ZNF324B: variants seen among roughly 807,000 people sequenced by gnomAD.
The protein encoded by ZNF324B is zinc finger protein 324B.
A neutral mutation model predicts 10.6 loss-of-function variants in ZNF324B; 7 were observed. That is an observed-to-expected ratio of 0.66 (90% confidence interval 0.38 to 1.24). The LOEUF (loss-of-function observed/expected upper bound fraction) is 1.24, where lower values mean the gene tolerates loss of function less well. ZNF324B is among the 50% of genes most tolerant of loss of function. ZNF324B has a pLI of 0.02. For missense variants in ZNF324B, 640 were observed against 764.7 expected (o/e 0.84, Z 1.92); for synonymous variants, 316 against 321.0 (o/e 0.98, Z 0.17).
rs532395493 is a variant in ZNF324B at position 58,453,578 on chromosome 19, G to A, written c.-6-118G>A. 70 of 1,394,188 alleles carry A rather than the reference G, an allele frequency of 5.0e-5. 1 individual carries two copies. In the South Asian group the frequency reaches 6.7e-4, roughly 13 times the overall value. 86.4% of individuals were successfully genotyped at this position (1,394,188 alleles called of 1,614,324 possible). The stretch of plus-strand genomic sequence containing the variant: ...GGAAGTGCCACCTGAAGATAATCTC[G>A]GGGTGGAACCCAAGGAAGGAGGGAC... On this transcript the variant is annotated intron_variant, in intron 1 of 3. Coordinates refer to ENST00000336614, the MANE Select transcript of ZNF324B (RefSeq NM_207395.3).
chr19:58,450,165 G>T (rs535203412), upstream of ZNF324B, among the ~76,000 whole-genome samples: 1 of 152,042 alleles, frequency 6.6e-6, no homozygotes, highest in Admixed American at 6.6e-5. Flanking sequence ...ATTTGCTCTT[G>T]CCTGCTGCCA....
chr19:58,435,054 A>T, the ZNF324B span: 13 of 1,614,178 alleles, frequency 8.1e-6, no homozygotes, highest in Non-Finnish European at 1.1e-5. Flanking sequence ...CCTGATGCTC[A>T]GCCAGGTGCA....
chr19:58,441,952 C>T, the ZNF324B span: 85,181 of 151,848 alleles, frequency 0.56, 25,592 homozygotes, highest in African/African-American at 0.8. Context: ...ACTCCAGTGC[C>T]CACTAGGTAA....
chr19:58,434,656 G>T, the ZNF324B span: 1 of 1,614,198 alleles, frequency 6.2e-7, no homozygotes, highest in Non-Finnish European at 8.5e-7. Flanking sequence ...GCATGTAAAT[G>T]GTATCTCTTC....
the ZNF324B span, chr19:58,440,005 A>C: frequency 1.6e-6 from 1 of 617,412 alleles, no homozygotes. Flanking sequence ...TTTCGGGAAC[A>C]CCTTGGCTCA....
At chr19:58,422,494 A>G in the ZNF324B span, among the ~76,000 whole-genome samples, 1 of 152,204 alleles carries the variant, frequency 6.6e-6, no homozygotes, top group Admixed American at 6.5e-5. Flanking sequence ...ATGATCTTAT[A>G]TTTAGAAAAA....
At chr19:58,439,600 T>G in the ZNF324B span, among the ~76,000 whole-genome samples, 1 of 152,166 alleles carries the variant, frequency 6.6e-6, no homozygotes, top group East Asian at 1.9e-4. Flanking sequence ...GGATTCAGGA[T>G]GGTAAGGGTA....
At chr19:58,439,756 T>TA in the ZNF324B span, 2 of 1,535,258 alleles carry the variant, frequency 1.3e-6, no homozygotes, top group South Asian at 2.4e-5. Context: ...ACACTCCACT[T>TA]ACCTGCGCCG....
chr19:58,427,328 T>TTTCTTTCTTTCTTTCTTTCTTTCC, the ZNF324B span, among the ~76,000 whole-genome samples: 1 of 96,266 alleles, frequency 1.0e-5, no homozygotes, highest in Non-Finnish European at 1.8e-5. Flanking sequence ...TCTTTCTTTC[T>TTTCTTTCTTTCTTTCTTTCTTTCC]TTCTTTCTTT....
chr19:58,449,484 A>G (rs1252040247), upstream of ZNF324B, among the ~76,000 whole-genome samples: 1 of 152,206 alleles, frequency 6.6e-6, no homozygotes, highest in Non-Finnish European at 1.5e-5. Flanking sequence ...ACGCACCCGG[A>G]AAAGTCACAG....
the ZNF324B span, chr19:58,442,788 G>A: frequency 2.0e-5 from 3 of 152,484 alleles, no homozygotes; most frequent in East Asian, 5.8e-4. Flanking sequence ...GGCTTCAGGA[G>A]TGAAGCTGCA....
At chr19:58,435,451 TTAAA>T in the ZNF324B span, 1 of 461,962 alleles carries the variant, frequency 2.2e-6, no homozygotes, top group Non-Finnish European at 3.8e-6. Flanking sequence ...GTCAAAGGAC[TTAAA>T]TAGACATTTC....
At chr19:58,445,005 T>C in the ZNF324B span, 2 of 209,030 alleles carry the variant, frequency 9.6e-6, no homozygotes, top group African/African-American at 4.8e-5. Context: ...ATCAAAATGG[T>C]CATACCCTAA....
chr19:58,454,105 A>G (rs1405557647), intron 2 of ZNF324B, 123 bp from the exon 3 acceptor site: 3 of 733,418 alleles, frequency 4.1e-6, no homozygotes, highest in South Asian at 3.4e-5. Flanking sequence ...GCCCTGTGCT[A>G]TCTTTAGATT....
At chr19:58,446,573 C>CTCTCTTTTTTT in the ZNF324B span, among the ~76,000 whole-genome samples, 16 of 102,506 alleles carry the variant, frequency 1.6e-4, no homozygotes, top group Non-Finnish European at 2.0e-4. Flanking sequence ...ATTTCTTTCT[C>CTCTCTTTTTTT]TTTTTTTTTT....
chr19:58,453,556 A>G, intron 1 of ZNF324B, 140 bp from the exon 2 acceptor site: 2 of 1,163,832 alleles, frequency 1.7e-6, no homozygotes, highest in Non-Finnish European at 1.3e-6. Context: ...AGGTGAGGGA[A>G]GTGCCACCTG....
chr19:58,437,090 G>A, the ZNF324B span: 7 of 1,614,020 alleles, frequency 4.3e-6, no homozygotes, highest in East Asian at 1.1e-4. Flanking sequence ...TCACACTGTG[G>A]TACAGGTGCC....
the ZNF324B span, among the ~76,000 whole-genome samples, chr19:58,425,419 T>C: frequency 3.3e-5 from 5 of 150,282 alleles, no homozygotes; most frequent in East Asian, 1.0e-3. Flanking sequence ...TAGACTTAGA[T>C]TTTTCCTTCC....
upstream of ZNF324B, among the ~76,000 whole-genome samples, chr19:58,448,470 A>G (rs1421862989): frequency 6.6e-6 from 1 of 152,232 alleles, no homozygotes; most frequent in African/African-American, 2.4e-5. Context: ...CACGCCTGTA[A>G]TCCCAGCACT....
Sources: allele counts gnomAD v4.1 joint callset (sites outside exome capture counted in the v4.1 genomes callset), GRCh38; gene constraint gnomAD v4.1.1; transcripts MANE v1.5; gene names NCBI Gene and HGNC (gene_info 2026-07-23, HGNC 2026-07-21).